Variants in ALPK1 observed in about 807,000 individuals in gnomAD.
ALPK1 encodes the protein alpha kinase 1.
Under a neutral mutation model 120.6 loss-of-function variants are expected in ALPK1, and 110 were observed. The observed-to-expected ratio is 0.91, with a 90% CI of 0.78 to 1.07. The LOEUF is 1.07. ALPK1 is among the 50% of genes least tolerant of loss of function. The pLI is 0.00. For missense variants in ALPK1, 1,498 were observed against 1,483.9 expected, an observed-to-expected ratio of 1.01 and a Z score of -0.16; for synonymous variants, 582 against 560.3, an observed-to-expected ratio of 1.04 and a Z score of -0.55.
intron 3 of ALPK1, among the ~76,000 whole-genome samples, 194 bp from the exon 4 acceptor site, chr4:112,382,204 C>A (rs904386470): frequency 2.6e-5 from 4 of 152,154 alleles, no homozygotes; most frequent in Admixed American, 6.5e-5. Context: ...AGGGCCACCC[C>A]TGACAGATAG....
At chr4:112,369,546 G>A (rs1043864840) in intron 2 of ALPK1, among the ~76,000 whole-genome samples, 14 of 152,124 alleles carry the variant, frequency 9.2e-5, no homozygotes, top group Non-Finnish European at 1.5e-4. Context: ...AGCTGGGCAT[G>A]GTGGTGCATG....
intron 2 of ALPK1, among the ~76,000 whole-genome samples, chr4:112,369,452 CTTG>C (rs1731299152): frequency 2.0e-5 from 3 of 152,150 alleles, no homozygotes; most frequent in Admixed American, 2.0e-4. Flanking sequence ...GAAATGTATT[CTTG>C]TTGTACATTA....
intron 2 of ALPK1, chr4:112,358,582 C>G (rs1578497272): frequency 1.4e-6 from 1 of 716,940 alleles, no homozygotes; most frequent in South Asian, 1.5e-5. Context: ...GGCAGAGGCC[C>G]TGGGGGCTGC....
At chr4:112,423,147 CA>C (rs1190182589) in intron 5 of ALPK1, among the ~76,000 whole-genome samples, 7 of 152,124 alleles carry the variant, frequency 4.6e-5, no homozygotes, top group African/African-American at 1.7e-4. Flanking sequence ...ATAAGATGGT[CA>C]GGGGAGGCCT....
intron 5 of ALPK1, 105 bp from the exon 6 acceptor site, chr4:112,423,839 G>T (rs1244492088): frequency 2.3e-5 from 24 of 1,035,746 alleles, no homozygotes; most frequent in Non-Finnish European, 1.5e-5. Context: ...TCCAAAGGAG[G>T]TTACAGTTCC....
chr4:112,388,261 TAA>T (rs1732240361), intron 4 of ALPK1, among the ~76,000 whole-genome samples: 1 of 152,210 alleles, frequency 6.6e-6, no homozygotes, highest in South Asian at 2.1e-4. Flanking sequence ...TGAATAAATA[TAA>T]GAGTTGGTTA....
chr4:112,354,544 T>C (rs1354620228), intron 2 of ALPK1, among the ~76,000 whole-genome samples: 1 of 152,234 alleles, frequency 6.6e-6, no homozygotes, highest in African/African-American at 2.4e-5. Flanking sequence ...CTTGGCTCAC[T>C]GCAGCCTCCG....
intron 14 of ALPK1, among the ~76,000 whole-genome samples, chr4:112,440,590 G>T (rs951925471): frequency 6.6e-6 from 1 of 152,086 alleles, no homozygotes; most frequent in Non-Finnish European, 1.5e-5. Flanking sequence ...AATCATGAAA[G>T]AAATATTCCA....
chr4:112,317,356 T>C (rs1728681174), intron 2 of ALPK1, among the ~76,000 whole-genome samples: 1 of 152,036 alleles, frequency 6.6e-6, no homozygotes, highest in Non-Finnish European at 1.5e-5. Flanking sequence ...CTTCTAAGAG[T>C]TTTCTAGTTT....
intron 1 of ALPK1, among the ~76,000 whole-genome samples, chr4:112,304,987 C>A (rs1329307526): frequency 6.6e-6 from 1 of 152,084 alleles, no homozygotes; most frequent in Non-Finnish European, 1.5e-5. Context: ...GTTTTCCCAG[C>A]ACCATTTATT....
chr4:112,429,860 G>GAAAAAAAAAAAAAAAA (rs1734455478), intron 10 of ALPK1, among the ~76,000 whole-genome samples: 1 of 113,946 alleles, frequency 8.8e-6, no homozygotes, highest in African/African-American at 3.4e-5. Context: ...AAAAAGAAAA[G>GAAAAAAAAAAAAAAAA]AAAAGAGAAA....
At chr4:112,352,723 T>C (rs1730416187) in intron 2 of ALPK1, 1 of 152,208 alleles carries the variant, frequency 6.6e-6, no homozygotes, top group South Asian at 2.1e-4. Context: ...TTGTATCCTG[T>C]AACAATATAT....
intron 2 of ALPK1, among the ~76,000 whole-genome samples, chr4:112,353,546 T>C (rs1435915410): frequency 6.6e-6 from 1 of 152,170 alleles, no homozygotes; most frequent in African/African-American, 2.4e-5. Flanking sequence ...ATGATTGTTA[T>C]TATCCATTTA....
intron 2 of ALPK1, among the ~76,000 whole-genome samples, chr4:112,337,795 A>G (rs1729684665): frequency 6.6e-6 from 1 of 152,174 alleles, no homozygotes; most frequent in Non-Finnish European, 1.5e-5. Context: ...AGCTTTTATG[A>G]GTTGTGGTCA....
chr4:112,333,577 T>G (rs1345557930), intron 2 of ALPK1, among the ~76,000 whole-genome samples: 1 of 152,182 alleles, frequency 6.6e-6, no homozygotes, highest in Non-Finnish European at 1.5e-5. Context: ...ACTGAACAAA[T>G]GGTCATAACC....
At chr4:112,435,022 A>C in intron 11 of ALPK1, 126 bp from the exon 12 acceptor site, 1 of 893,476 alleles carries the variant, frequency 1.1e-6, no homozygotes. Context: ...TGAAAATTAG[A>C]GAAAAGTGTA....
chr4:112,358,585 G>A lies in ALPK1; in HGVS notation c.-100-19093G>A, dbSNP rs1027532613. ...CAGACCCTGCCTGGCAGAGGCCCTGGGGGCTGCTGGCCGCCCTGGAGCACA... is the reference window on the plus strand; with the variant it reads ...CAGACCCTGCCTGGCAGAGGCCCTGAGGGCTGCTGGCCGCCCTGGAGCACA... On this transcript the variant is annotated intron_variant, in intron 2 of 15. Coordinates refer to ENST00000650871, the MANE Select transcript of ALPK1 (RefSeq NM_025144.4). 7 of 719,176 alleles carry A rather than the reference G, an allele frequency of 9.7e-6. No individual in the cohort carries two copies. In the African/African-American group the frequency reaches 1.0e-4, roughly 11 times the overall value. 44.5% of individuals were successfully genotyped at this position (719,176 alleles called of 1,614,324 possible).
At chr4:112,430,152 G>T (rs1328515060) in intron 10 of ALPK1, among the ~76,000 whole-genome samples, 1 of 152,114 alleles carries the variant, frequency 6.6e-6, no homozygotes, top group African/African-American at 2.4e-5. Flanking sequence ...ACAAACACAA[G>T]CCTATCGTCT....
At chr4:112,349,558 C>CG (rs1553939416) in intron 2 of ALPK1, among the ~76,000 whole-genome samples, 13 of 144,972 alleles carry the variant, frequency 9.0e-5, no homozygotes, top group East Asian at 2.1e-4. Context: ...CCTGCCCCCC[C>CG]CCGCTTTATT....
Sources: allele counts gnomAD v4.1 joint callset (sites outside exome capture counted in the v4.1 genomes callset), GRCh38; gene constraint gnomAD v4.1.1; transcripts MANE v1.5; gene names NCBI Gene and HGNC (gene_info 2026-07-23, HGNC 2026-07-21).